The following TENM4 variants were observed in gnomAD, a reference collection of about 807,000 sequenced individuals.
TENM4 encodes teneurin transmembrane protein 4.
Under a neutral mutation model 243.3 loss-of-function variants are expected in TENM4, and 82 were observed. The ratio of observed to expected loss-of-function variants is 0.34; its 90% CI spans 0.28 to 0.40. The LOEUF (loss-of-function observed/expected upper bound fraction) is 0.40, where lower values mean the gene tolerates loss of function less well. TENM4 is among the 10% of genes least tolerant of loss of function. The pLI is 1.00. For missense variants in TENM4, 3,138 were observed against 3,673.3 expected (o/e 0.85, Z 3.77); for synonymous variants, 1,412 against 1,456.3 (o/e 0.97, Z 0.69).
intron 28 of TENM4, among the ~76,000 whole-genome samples, chr11:78,698,034 G>A (rs1175617939): frequency 6.6e-6 from 1 of 152,146 alleles, no homozygotes; most frequent in Non-Finnish European, 1.5e-5. Flanking sequence ...TGTAAATCAA[G>A]GTGCTCTGAA....
chr11:78,856,846 G>A (rs1212592010), intron 10 of TENM4, among the ~76,000 whole-genome samples: 1 of 152,086 alleles, frequency 6.6e-6, no homozygotes, highest in Non-Finnish European at 1.5e-5. Flanking sequence ...GCTAAAATGG[G>A]TCAAGCTGAG....
chr11:78,947,624 A>G lies in TENM4; in HGVS notation c.494-44101T>C, dbSNP rs1350012106. On this transcript the variant is annotated intron_variant, in intron 6 of 33. Coordinates refer to ENST00000278550, the MANE Select transcript of TENM4 (RefSeq NM_001098816.3). ...CTCCGACAGAGAGAGTGCGGGGGCA[A>G]GGCTGACCCAACTTTAAGTATGGCT... Among the ~76,000 whole-genome samples the G allele has an allele frequency of 2.6e-5, 4 of 152,262 alleles. No homozygotes were observed. The East Asian group carries it at 5.8e-4, about 22-fold the overall frequency.
At chr11:78,915,780 C>T (rs1856301592) in intron 6 of TENM4, among the ~76,000 whole-genome samples, 2 of 152,162 alleles carry the variant, frequency 1.3e-5, no homozygotes, top group Admixed American at 1.3e-4. Flanking sequence ...ATGGGCCCTG[C>T]AGGAGGCTAA....
chr11:79,213,631 A>G (rs17828337), intron 3 of TENM4, among the ~76,000 whole-genome samples: 3,004 of 152,312 alleles, frequency 0.02, 37 homozygotes, highest in Middle Eastern at 0.037. Context: ...GGGGATGAGC[A>G]GCCAAGTCTC....
At position 79,356,423 on chromosome 11, in the gene TENM4, A is replaced by C. The variant is rs74889205; in HGVS notation, c.-320-58880T>G. Among the ~76,000 whole-genome samples, 516 of 152,326 alleles carry C rather than the reference A, an allele frequency of 3.4e-3. 2 individuals carry two copies. Among genetic ancestry groups the C allele is most frequent in the African/African-American group, 0.012 (496 of 41,580 alleles). ...ATGTTTGTCCCAGTGCCTGGTGTAG[A>C]GTCATCACCACTACTACTACAGCGT... On this transcript the variant is annotated intron_variant, in intron 1 of 33. Coordinates refer to ENST00000278550, the MANE Select transcript of TENM4 (RefSeq NM_001098816.3).
chr11:78,887,633 T>C (rs1438109544), intron 9 of TENM4, among the ~76,000 whole-genome samples: 1 of 152,216 alleles, frequency 6.6e-6, no homozygotes, highest in East Asian at 1.9e-4. Flanking sequence ...TCCCAGGCAG[T>C]GCTTGAATCT....
In TENM4 at chr11:78,672,015, A is replaced by T. The variant is rs1194558611; in HGVS notation, c.5793+18T>A. The T allele has an allele frequency of 2.5e-6, 4 of 1,603,928 alleles. No homozygotes were observed. The highest frequency in any genetic ancestry group is 2.6e-6 in the Non-Finnish European group (3 of 1,174,050). On this transcript the variant is annotated intron_variant, in intron 31 of 33. Coordinates refer to ENST00000278550, the MANE Select transcript of TENM4 (RefSeq NM_001098816.3). ...TTCTGTATGGCAAGGCCAGTGATGC[A>T]GGGAGACAGACACCTGCCTTCTCTA...
intron 2 of TENM4, among the ~76,000 whole-genome samples, chr11:79,274,253 T>G (rs1856015759): frequency 6.6e-6 from 1 of 152,244 alleles, no homozygotes. Flanking sequence ...GGTTACATAT[T>G]GGCGACCAAA....
At chr11:79,306,656 A>G (rs1856630977) in intron 1 of TENM4, among the ~76,000 whole-genome samples, 2 of 152,200 alleles carry the variant, frequency 1.3e-5, no homozygotes, top group African/African-American at 4.8e-5. Flanking sequence ...GGTAGTGTGC[A>G]TTATATGAAC....
At chr11:79,148,972 C>T (rs142341681) in intron 3 of TENM4, among the ~76,000 whole-genome samples, 166 bp from the exon 4 acceptor site, 80 of 152,166 alleles carry the variant, frequency 5.3e-4, no homozygotes, top group Middle Eastern at 6.8e-3. Flanking sequence ...AGTGTTTGAA[C>T]GCTCAGAGGA....
At chr11:78,891,787 T>C (rs1855672946) in intron 7 of TENM4, among the ~76,000 whole-genome samples, 1 of 152,206 alleles carries the variant, frequency 6.6e-6, no homozygotes, top group Admixed American at 6.5e-5. Context: ...TTCCAAAGCC[T>C]GTGCTCTCTC....
Position 79,157,749 on chromosome 11 carries a change from T to A in TENM4, c.-162-8943A>T, listed in dbSNP as rs187957200. 3.0e-3 allele frequency among the ~76,000 whole-genome samples: 463 copies of A among 152,318 alleles called. 1 individual carries two copies. The highest frequency in any genetic ancestry group is 5.3e-3 in the Non-Finnish European group (358 of 68,024). ...AAACCTCCCCTGAGGGTTCCATACC[T>A]CCTTGCTTTCTACCATAATCCTACT... On this transcript the variant is annotated intron_variant, in intron 3 of 33. Coordinates refer to ENST00000278550, the MANE Select transcript of TENM4 (RefSeq NM_001098816.3).
chr11:78,803,446 G>C (rs1192692983), intron 15 of TENM4, among the ~76,000 whole-genome samples: 2 of 152,164 alleles, frequency 1.3e-5, no homozygotes, highest in African/African-American at 4.8e-5. Context: ...GTAAGTAGCA[G>C]GGCCAAGATT....
chr11:79,282,816 GA>G (rs34187402), intron 2 of TENM4, among the ~76,000 whole-genome samples: 48,959 of 148,132 alleles, frequency 0.33, 7,982 homozygotes, highest in East Asian at 0.51. Flanking sequence ...TTTAAAATTG[GA>G]AAAAAAAAAA....
chr11:79,319,715 G>A (rs1205644742), intron 1 of TENM4, among the ~76,000 whole-genome samples: 1 of 151,852 alleles, frequency 6.6e-6, no homozygotes, highest in Non-Finnish European at 1.5e-5. Flanking sequence ...GATACCTAAC[G>A]TGAGCAGGAC....
chr11:78,971,269 T>C (rs1052100660), intron 6 of TENM4, among the ~76,000 whole-genome samples: 8 of 152,154 alleles, frequency 5.3e-5, no homozygotes, highest in African/African-American at 1.9e-4. Context: ...TAGGTATTCA[T>C]AGATGTTGAT....
chr11:79,311,875 G>A (rs1856728107), intron 1 of TENM4, among the ~76,000 whole-genome samples: 1 of 152,128 alleles, frequency 6.6e-6, no homozygotes, highest in Non-Finnish European at 1.5e-5. Flanking sequence ...AGCCTTCTTG[G>A]AATTCCGTGA....
In TENM4 at chr11:79,034,990, C is replaced by T. The variant is rs140811802; in HGVS notation, c.493+29748G>A. ...GGCTGGGGCTAAGGTCCCCTCATCC[C>T]TTGCAGAGCACATCCCCTAAACACT... On this transcript the variant is annotated intron_variant, in intron 6 of 33. Coordinates refer to ENST00000278550, the MANE Select transcript of TENM4 (RefSeq NM_001098816.3). Among the ~76,000 whole-genome samples, 278 of 152,336 alleles carry T rather than the reference C, an allele frequency of 1.8e-3. 2 individuals carry two copies. Among genetic ancestry groups the T allele is most frequent in the Non-Finnish European group, 3.1e-3 (213 of 68,030 alleles).
chr11:79,440,279 G>A lies in TENM4; in HGVS notation c.-321+230C>T, dbSNP rs1018574926. Among the ~76,000 whole-genome samples, 1 of 147,194 alleles carries A rather than the reference G, an allele frequency of 6.8e-6. No individual in the cohort carries two copies. The highest frequency in any genetic ancestry group is 6.7e-5 in the Admixed American group (1 of 14,880). ...CAGGCTCCAGTCCGCGGCGGGCTCC[G>A]GGGGCTGCGGCGGCTCCAGGCTCCA... On this transcript the variant is annotated intron_variant, in intron 1 of 33. Transcript: ENST00000278550. This position sits in a 1 kb window ranked among gnomAD's most constrained non-coding sequence, Gnocchi z 4.7.
Sources: allele counts gnomAD v4.1 joint callset (sites outside exome capture counted in the v4.1 genomes callset), GRCh38; gene constraint gnomAD v4.1.1; non-coding constraint Gnocchi (gnomAD v3.1); transcripts MANE v1.5; gene names NCBI Gene and HGNC (gene_info 2026-07-23, HGNC 2026-07-21).